The following RANBP17 variants were observed in gnomAD, a reference collection of about 807,000 sequenced individuals.
RANBP17 encodes ran-binding protein 17.
Under a neutral mutation model 141.2 loss-of-function variants are expected in RANBP17, and 158 were observed. The observed-to-expected ratio is 1.12, with a 90% CI of 0.98 to 1.28. RANBP17 has a LOEUF of 1.28. Among genes scored for constraint, RANBP17 ranks in the 50% most tolerant of loss-of-function variants. The pLI, the probability that RANBP17 is intolerant of heterozygous loss-of-function variation, is 0.00. For missense variants in RANBP17, 1,438 were observed against 1,290.7 expected (o/e 1.11, Z -1.75); for synonymous variants, 430 against 450.0 (o/e 0.96, Z 0.56).
At chr5:171,062,123 T>G (rs1182391729) in intron 14 of RANBP17, among the ~76,000 whole-genome samples, 2 of 151,648 alleles carry the variant, frequency 1.3e-5, no homozygotes, top group Admixed American at 6.6e-5. Flanking sequence ...AATTTGCCAG[T>G]CTGTGTCTTT....
At chr5:170,929,411 CA>C (rs1773166223) in intron 12 of RANBP17, among the ~76,000 whole-genome samples, 1 of 152,062 alleles carries the variant, frequency 6.6e-6, no homozygotes, top group African/African-American at 2.4e-5. Context: ...TTCAATTCTT[CA>C]GGGTGTTTAT....
chr5:171,212,135 T>A (rs1762932984), intron 20 of RANBP17, among the ~76,000 whole-genome samples: 1 of 152,194 alleles, frequency 6.6e-6, no homozygotes. Flanking sequence ...GTGCATGTGA[T>A]GTCAGAGAAG....
intron 12 of RANBP17, among the ~76,000 whole-genome samples, chr5:170,940,756 G>T (rs1774259060): frequency 6.6e-6 from 1 of 152,108 alleles, no homozygotes; most frequent in Admixed American, 6.6e-5. Context: ...TTAATGAATT[G>T]ATGTATATAA....
chr5:170,917,626 A>T (rs1174760777), intron 9 of RANBP17, among the ~76,000 whole-genome samples: 1 of 152,156 alleles, frequency 6.6e-6, no homozygotes, highest in Non-Finnish European at 1.5e-5. Flanking sequence ...TTTATGGGTT[A>T]TGCATTTATT....
At chr5:171,135,393 T>A (rs1362433345) in intron 14 of RANBP17, among the ~76,000 whole-genome samples, 1 of 152,116 alleles carries the variant, frequency 6.6e-6, no homozygotes, top group Non-Finnish European at 1.5e-5. Flanking sequence ...TATTCACTAA[T>A]CTAGAAAATA....
intron 14 of RANBP17, among the ~76,000 whole-genome samples, chr5:171,002,604 T>A (rs1310256872): frequency 6.6e-6 from 1 of 152,136 alleles, no homozygotes; most frequent in Non-Finnish European, 1.5e-5. Flanking sequence ...TGACACATAG[T>A]CCCTTTGCAA....
intron 24 of RANBP17, among the ~76,000 whole-genome samples, chr5:171,255,698 A>T (rs1156718519): frequency 6.6e-6 from 1 of 152,190 alleles, no homozygotes; most frequent in Non-Finnish European, 1.5e-5. Context: ...GGGAGAAAAT[A>T]CAGGTATAGT....
At chr5:171,157,508 T>G (rs953688458) in intron 14 of RANBP17, among the ~76,000 whole-genome samples, 2 of 152,222 alleles carry the variant, frequency 1.3e-5, no homozygotes, top group Non-Finnish European at 2.9e-5. Flanking sequence ...GTGATGAACA[T>G]TGAAACTTGT....
intron 13 of RANBP17, among the ~76,000 whole-genome samples, chr5:170,964,124 G>A (rs950057415): frequency 3.9e-5 from 6 of 152,130 alleles, no homozygotes; most frequent in African/African-American, 1.2e-4. Flanking sequence ...CTTATGGAGT[G>A]ATGGTAAGAG....
At chr5:171,063,068 T>G (rs1322596785) in intron 14 of RANBP17, among the ~76,000 whole-genome samples, 1 of 152,126 alleles carries the variant, frequency 6.6e-6, no homozygotes, top group East Asian at 1.9e-4. Flanking sequence ...CATCTAAATT[T>G]TTTTCAAAGT....
intron 20 of RANBP17, chr5:171,206,762 A>G: frequency 5.6e-6 from 1 of 179,078 alleles, no homozygotes; most frequent in East Asian, 9.2e-5. Context: ...AAATTTTTAA[A>G]CATTAATTTG....
intron 14 of RANBP17, among the ~76,000 whole-genome samples, chr5:171,003,595 T>A (rs11742637): frequency 0.61 from 93,035 of 151,968 alleles, 29,834 homozygotes; most frequent in South Asian, 0.88. Flanking sequence ...CTTGGAGAAT[T>A]AGTGTTGAAG....
chr5:171,069,091 A>T (rs1221852145), intron 14 of RANBP17, among the ~76,000 whole-genome samples: 1 of 152,204 alleles, frequency 6.6e-6, no homozygotes, highest in Non-Finnish European at 1.5e-5. Flanking sequence ...GGAACCAATA[A>T]GTAAAGGAGA....
chr5:171,068,369 C>CT (rs1262753868), intron 14 of RANBP17, among the ~76,000 whole-genome samples: 1 of 152,104 alleles, frequency 6.6e-6, no homozygotes, highest in Non-Finnish European at 1.5e-5. Context: ...TATTTAAAGT[C>CT]TTTGTCTAGT....
chr5:171,257,570 C>T (rs1433846752), intron 24 of RANBP17, among the ~76,000 whole-genome samples: 2 of 152,090 alleles, frequency 1.3e-5, no homozygotes, highest in African/African-American at 2.4e-5. Flanking sequence ...AGCAGTGAGG[C>T]AAGAGAAGAA....
At chr5:171,120,120 A>G (rs1048301038) in intron 14 of RANBP17, among the ~76,000 whole-genome samples, 2 of 151,664 alleles carry the variant, frequency 1.3e-5, no homozygotes, top group Non-Finnish European at 2.9e-5. Context: ...TGTTTATCAG[A>G]CAGAGCGGCT....
intron 12 of RANBP17, among the ~76,000 whole-genome samples, chr5:170,948,832 C>T (rs534650416): frequency 6.6e-6 from 1 of 152,034 alleles, no homozygotes; most frequent in Admixed American, 6.5e-5. Context: ...GTAATCAAGA[C>T]TGTTTGGTAC....
intron 5 of RANBP17, 46 bp from the exon 6 acceptor site, chr5:170,909,609 GGTTTGC>G: frequency 2.4e-5 from 8 of 335,544 alleles, no homozygotes; most frequent in South Asian, 7.6e-5. Flanking sequence ...AGTAAATTTT[GGTTTGC>G]TTTTTCATAG....
intron 11 of RANBP17, among the ~76,000 whole-genome samples, chr5:170,922,270 C>G (rs1772528388): frequency 6.6e-6 from 1 of 152,148 alleles, no homozygotes; most frequent in African/African-American, 2.4e-5. Flanking sequence ...GTTTCCCAGT[C>G]AGGCTACACA....
Sources: allele counts gnomAD v4.1 joint callset (sites outside exome capture counted in the v4.1 genomes callset), GRCh38; gene constraint gnomAD v4.1.1; transcripts MANE v1.5; gene names NCBI Gene and HGNC (gene_info 2026-07-23, HGNC 2026-07-21).